Variants in C1QTNF7 observed in about 807,000 individuals in gnomAD.
C1QTNF7 encodes C1q and TNF related 7.
Under a neutral mutation model 19.6 loss-of-function variants are expected in C1QTNF7, and 15 were observed. The ratio of observed to expected loss-of-function variants is 0.76; its 90% CI spans 0.51 to 1.18. The LOEUF (loss-of-function observed/expected upper bound fraction) is 1.18. Ranked by LOEUF, C1QTNF7 falls within the 50% of genes most tolerant of loss-of-function variation. C1QTNF7 has a pLI of 0.00. For missense variants in C1QTNF7, 324 were observed against 359.7 expected (o/e 0.90, Z 0.80); for synonymous variants, 142 against 137.5 (o/e 1.03, Z -0.23).
intron 1 of C1QTNF7, among the ~76,000 whole-genome samples, chr4:15,385,747 A>G (rs1222975590): frequency 6.6e-6 from 1 of 152,228 alleles, no homozygotes; most frequent in African/African-American, 2.4e-5. Context: ...GGTGGATTAT[A>G]CTATCCCCAC....
At position 15,435,875 on chromosome 4, in the gene C1QTNF7, G is replaced by A. The variant is rs140262683; in HGVS notation, c.132G>A (p.Gly44=). The A allele has an allele frequency of 2.5e-6, 4 of 1,613,898 alleles. No homozygotes were observed. Among genetic ancestry groups the A allele is most frequent in the East Asian group, 2.2e-5 (1 of 44,880 alleles). Residue 44 remains glycine (G), a synonymous_variant, in exon 2 of 3, where the codon GGG becomes GGA. Transcript: ENST00000444304. ...TTCCTGGCTTGCCTGGACCTCCAGG[G>A]CCCCCTGGAGCAAATGGTTCCCCTG... ...CSIPGLPGPP[G]PPGANGSPGP...
intron 1 of C1QTNF7, among the ~76,000 whole-genome samples, chr4:15,408,447 CTT>C (rs1719280540): frequency 1.3e-5 from 2 of 151,342 alleles, no homozygotes; most frequent in Admixed American, 6.6e-5. Context: ...ATATTTGTCT[CTT>C]AAGAAAAAGA....
intron 1 of C1QTNF7, among the ~76,000 whole-genome samples, chr4:15,343,450 T>C (rs1716616329): frequency 6.6e-6 from 1 of 152,212 alleles, no homozygotes; most frequent in African/African-American, 2.4e-5. Flanking sequence ...TTTTTTTTTT[T>C]TTAACTATGT....
intron 1 of C1QTNF7, among the ~76,000 whole-genome samples, chr4:15,369,166 T>C (rs914913944): frequency 6.6e-6 from 1 of 152,118 alleles, no homozygotes; most frequent in Non-Finnish European, 1.5e-5. Context: ...GAGGTAAGGA[T>C]GAGAAGGGAA....
intron 1 of C1QTNF7, among the ~76,000 whole-genome samples, chr4:15,344,042 A>T (rs1047728058): frequency 6.6e-6 from 1 of 152,326 alleles, no homozygotes; most frequent in South Asian, 2.1e-4. Context: ...TAAAGAATAG[A>T]TAAGGATTGG....
chr4:15,432,956 T>C (rs1022237067), intron 1 of C1QTNF7, among the ~76,000 whole-genome samples: 7 of 152,200 alleles, frequency 4.6e-5, no homozygotes, highest in Admixed American at 6.5e-5. Context: ...TTCTGCTTCC[T>C]TTGCCCACCA....
chr4:15,373,879 G>A (rs1033487944), intron 1 of C1QTNF7: 4 of 152,230 alleles, frequency 2.6e-5, no homozygotes, highest in African/African-American at 7.2e-5. Flanking sequence ...GAAAGGAGAA[G>A]AGAAGCATGT....
intron 1 of C1QTNF7, among the ~76,000 whole-genome samples, chr4:15,341,934 A>G (rs980376860): frequency 7.2e-5 from 11 of 152,364 alleles, no homozygotes; most frequent in East Asian, 3.9e-4. Context: ...ACGGGCTCCA[A>G]TGGAGGCTGG....
chr4:15,386,499 A>T (rs1346106778), intron 1 of C1QTNF7, among the ~76,000 whole-genome samples: 1 of 132,646 alleles, frequency 7.5e-6, no homozygotes. Flanking sequence ...GACAGATGAT[A>T]AAAAAAGAAA....
intron 1 of C1QTNF7, chr4:15,381,738 C>T (rs1170014788): frequency 2.0e-5 from 3 of 152,162 alleles, no homozygotes; most frequent in African/African-American, 7.2e-5. Flanking sequence ...ATTCTCTTCT[C>T]CCTTGCTTTG....
At position 15,442,704 on chromosome 4, in the gene C1QTNF7, T is replaced by G; in HGVS notation, c.775T>G (p.Ser259Ala). 6.2e-7 allele frequency: 1 copy of G among 1,614,146 alleles called. No individual in the cohort carries two copies. The highest frequency in any genetic ancestry group is 8.5e-7 in the Non-Finnish European group (1 of 1,180,030). Reference sequence around the variant, plus strand: ...CTTCACAGACCAGAATGGCCTCTTCTCAGACCCAGGTTGGGCAGACAGCTT... The same window carrying G: ...CTTCACAGACCAGAATGGCCTCTTCGCAGACCCAGGTTGGGCAGACAGCTT... ...IFFTDQNGLFSDPGWADSLFS... is the reference protein window; with the variant it reads ...IFFTDQNGLFADPGWADSLFS... The change falls in exon 3 of 3, where the codon TCA (serine) becomes GCA (alanine). Residue 259 changes from serine (S) to alanine (A), a missense_variant. Physicochemically the swap from Ser to Ala is moderately conservative, Grantham distance 99 (BLOSUM62 1). Coordinates refer to ENST00000444304, the MANE Select transcript of C1QTNF7 (RefSeq NM_031911.5).
At chr4:15,363,179 C>A (rs1194620017) in intron 1 of C1QTNF7, among the ~76,000 whole-genome samples, 1 of 151,990 alleles carries the variant, frequency 6.6e-6, no homozygotes, top group East Asian at 1.9e-4. Flanking sequence ...TTTGATTTTT[C>A]TGCTTTGTCT....
chr4:15,341,100 T>G (rs1414158048), intron 1 of C1QTNF7, among the ~76,000 whole-genome samples: 1 of 152,250 alleles, frequency 6.6e-6, no homozygotes, highest in Non-Finnish European at 1.5e-5. Context: ...CTGCACATTC[T>G]TCCAGCAGGC....
At chr4:15,362,698 A>G (rs1717386975) in intron 1 of C1QTNF7, among the ~76,000 whole-genome samples, 1 of 152,194 alleles carries the variant, frequency 6.6e-6, no homozygotes, top group Non-Finnish European at 1.5e-5. Flanking sequence ...TTGACAGAGC[A>G]TTTACAGCCC....
intron 1 of C1QTNF7, among the ~76,000 whole-genome samples, chr4:15,353,398 C>G (rs1380359235): frequency 6.6e-6 from 1 of 152,162 alleles, no homozygotes; most frequent in Non-Finnish European, 1.5e-5. Context: ...ATTGGCTGAG[C>G]ATTTTTCTTT....
In C1QTNF7 at chr4:15,371,303, G is replaced by A. The variant is rs187387632; in HGVS notation, c.13+31096G>A. On this transcript the variant is annotated intron_variant, in intron 1 of 2. Transcript: ENST00000295297. ...GAATGCATTTGGTGGTACACAGAGG[G>A]CTTAATAAAGGGGCCTCATTAGACT... 2.0e-5 allele frequency among the ~76,000 whole-genome samples: 3 copies of A among 152,332 alleles called. No homozygotes were observed. The East Asian group carries it at 5.8e-4, about 29-fold the overall frequency.
At chr4:15,439,572 T>C (rs567179985) in intron 2 of C1QTNF7, among the ~76,000 whole-genome samples, 1 of 152,318 alleles carries the variant, frequency 6.6e-6, no homozygotes, top group African/African-American at 2.4e-5. Flanking sequence ...CTCCCCTTAT[T>C]ACAAATGGAG....
chr4:15,441,067 G>A (rs1297696183), intron 2 of C1QTNF7, among the ~76,000 whole-genome samples: 1 of 152,092 alleles, frequency 6.6e-6, no homozygotes, highest in African/African-American at 2.4e-5. Context: ...GCTTGAACCT[G>A]GGAGGTGGAA....
intron 1 of C1QTNF7, among the ~76,000 whole-genome samples, chr4:15,373,456 A>T (rs1312152808): frequency 6.6e-6 from 1 of 152,206 alleles, no homozygotes; most frequent in Non-Finnish European, 1.5e-5. Flanking sequence ...CAACTACTTT[A>T]TAGTTTCAAA....
Sources: gnomAD v4.1 joint callset for allele counts (sites outside exome capture counted in the v4.1 genomes callset) on GRCh38, gnomAD v4.1.1 for gene constraint, MANE v1.5 for transcripts, NCBI Gene and HGNC (gene_info 2026-07-23, HGNC 2026-07-21) for gene names.